Variants in SEMA3E observed in about 807,000 individuals in gnomAD.
The protein encoded by SEMA3E is semaphorin-3E.
A neutral mutation model predicts 93.6 loss-of-function variants in SEMA3E; 49 were observed. The observed-to-expected ratio is 0.52, with a 90% CI of 0.42 to 0.66. SEMA3E has a LOEUF of 0.66. Among genes scored for constraint, SEMA3E ranks in the 30% least tolerant of loss-of-function variants. SEMA3E has a pLI of 0.00. For missense variants in SEMA3E, 906 were observed against 964.8 expected (o/e 0.94, Z 0.81); for synonymous variants, 363 against 330.7 (o/e 1.10, Z -1.06).
chr7:83,487,532 G>A (rs1790286604), intron 2 of SEMA3E, among the ~76,000 whole-genome samples: 1 of 151,920 alleles, frequency 6.6e-6, no homozygotes, highest in Non-Finnish European at 1.5e-5. Context: ...GAAAATCAGA[G>A]TAAGTAGATG....
At chr7:83,639,666 T>C (rs1793959920) in intron 1 of SEMA3E, among the ~76,000 whole-genome samples, 1 of 149,632 alleles carries the variant, frequency 6.7e-6, no homozygotes, top group South Asian at 2.2e-4. Context: ...ACATTTAAAT[T>C]TTTTTCTACC....
rs77607839 is a variant in SEMA3E, at chr7:83,623,513, C to T, written c.115+24915G>A. Among the ~76,000 whole-genome samples, 30 of 151,746 alleles carry T rather than the reference C, an allele frequency of 2.0e-4. No homozygotes were observed. In the East Asian group the frequency reaches 4.1e-3, roughly 21 times the overall value. On this transcript the variant is annotated intron_variant, in intron 1 of 16. Coordinates refer to ENST00000643230, the MANE Select transcript of SEMA3E (RefSeq NM_012431.3). ...ACTTGTAGTGAGATTCATAAGTATA[C>T]GTTATGATTTTAGGCACTTTTTGTA...
chr7:83,630,899 A>C (rs1266366597), intron 1 of SEMA3E, among the ~76,000 whole-genome samples: 1 of 152,172 alleles, frequency 6.6e-6, no homozygotes, highest in Non-Finnish European at 1.5e-5. Flanking sequence ...TAACGCATAA[A>C]GTCTTTTGTA....
At chr7:83,395,384 C>T (rs1354757109) in intron 12 of SEMA3E, among the ~76,000 whole-genome samples, 1 of 152,130 alleles carries the variant, frequency 6.6e-6, no homozygotes, top group Non-Finnish European at 1.5e-5. Context: ...CACATCTACC[C>T]ATCATAAACA....
intron 5 of SEMA3E, among the ~76,000 whole-genome samples, chr7:83,411,477 A>T (rs553542423): frequency 9.9e-5 from 15 of 152,284 alleles, no homozygotes; most frequent in East Asian, 7.7e-4. Flanking sequence ...ATGCAAATTT[A>T]AAAAAATTCA....
chr7:83,404,325 T>C (rs17285647), intron 9 of SEMA3E, among the ~76,000 whole-genome samples: 28,152 of 151,852 alleles, frequency 0.19, 3,053 homozygotes, highest in Middle Eastern at 0.3. Flanking sequence ...CATTAGAAAC[T>C]ACCTACTGAA....
At chr7:83,404,739 T>A (rs1788295235) in intron 9 of SEMA3E, among the ~76,000 whole-genome samples, 1 of 152,028 alleles carries the variant, frequency 6.6e-6, no homozygotes. Context: ...ATGATGAACG[T>A]GTTCACTATG....
chr7:83,390,174 C>T (rs1291451266), intron 14 of SEMA3E, among the ~76,000 whole-genome samples: 9 of 8,164 alleles, frequency 1.1e-3, no homozygotes, highest in African/African-American at 1.4e-3. Context: ...TGCGCGTATA[C>T]GTGTGCACAT....
chr7:83,634,010 A>G (rs971872751), intron 1 of SEMA3E, among the ~76,000 whole-genome samples: 2 of 152,210 alleles, frequency 1.3e-5, no homozygotes, highest in Non-Finnish European at 2.9e-5. Flanking sequence ...TTCTCACATT[A>G]ACAGTATTCT....
intron 1 of SEMA3E, among the ~76,000 whole-genome samples, chr7:83,500,360 C>T (rs573289302): frequency 9.2e-5 from 14 of 151,994 alleles, no homozygotes; most frequent in African/African-American, 2.9e-4. Flanking sequence ...TGCTTGAACC[C>T]GAGAGGTGGA....
intron 1 of SEMA3E, 66 bp downstream of exon 1, chr7:83,648,362 T>G: frequency 7.8e-7 from 1 of 1,276,530 alleles, no homozygotes; most frequent in African/African-American, 1.5e-5. Context: ...TTAAACGACT[T>G]TTTTTTTCTT....
chr7:83,526,447 G>A (rs974000401), intron 1 of SEMA3E, among the ~76,000 whole-genome samples: 2 of 152,084 alleles, frequency 1.3e-5, no homozygotes, highest in Non-Finnish European at 2.9e-5. Context: ...TATTGGATAA[G>A]GTAGAAGATC....
chr7:83,490,359 C>T, intron 1 of SEMA3E, 85 bp from the exon 2 acceptor site: 2 of 1,392,050 alleles, frequency 1.4e-6, no homozygotes, highest in African/African-American at 1.4e-5. Context: ...CTGTTTTCAT[C>T]CCTATTGGAA....
intron 3 of SEMA3E, among the ~76,000 whole-genome samples, chr7:83,468,208 G>C (rs535950760): frequency 1.4e-4 from 22 of 152,252 alleles, no homozygotes; most frequent in Admixed American, 3.3e-4. Context: ...GAGCACACAG[G>C]TACACTTATT....
At chr7:83,406,208 G>A (rs1788327503) in intron 7 of SEMA3E, 149 bp from the exon 8 acceptor site, 2 of 667,338 alleles carry the variant, frequency 3.0e-6, no homozygotes, top group East Asian at 2.7e-5. Context: ...TGTCATAGGT[G>A]CAACTCCCCA....
intron 1 of SEMA3E, among the ~76,000 whole-genome samples, chr7:83,572,929 C>CA (rs951165349): frequency 1.0e-3 from 153 of 151,154 alleles, no homozygotes; most frequent in Non-Finnish European, 9.9e-4. Flanking sequence ...CTAGAAAAAA[C>CA]AAAAAAAACA....
chr7:83,489,919 G>A (rs945978199), intron 2 of SEMA3E, among the ~76,000 whole-genome samples, 195 bp downstream of exon 2: 1 of 152,002 alleles, frequency 6.6e-6, no homozygotes, highest in African/African-American at 2.4e-5. Context: ...TATCAGTGTT[G>A]TACTAGAAAA....
intron 14 of SEMA3E, among the ~76,000 whole-genome samples, chr7:83,391,550 G>A (rs975708016): frequency 6.6e-6 from 1 of 152,038 alleles, no homozygotes; most frequent in African/African-American, 2.4e-5. Context: ...GGTAAATTTA[G>A]TTCAGAAATG....
chr7:83,443,451 G>A (rs117929031), intron 4 of SEMA3E, among the ~76,000 whole-genome samples: 1 of 152,200 alleles, frequency 6.6e-6, no homozygotes, highest in Admixed American at 6.5e-5. Context: ...CTCCCCTGAT[G>A]TATTCAACCA....
Sources: allele counts gnomAD v4.1 joint callset (sites outside exome capture counted in the v4.1 genomes callset), GRCh38; gene constraint gnomAD v4.1.1; transcripts MANE v1.5; gene names NCBI Gene and HGNC (gene_info 2026-07-23, HGNC 2026-07-21).